Variants in HDAC1 observed in about 807,000 individuals in gnomAD.
The protein encoded by HDAC1 is histone deacetylase 1.
HDAC1 carries 18 observed loss-of-function variants against 65.5 expected under a neutral mutation model. The ratio of observed to expected loss-of-function variants is 0.27; its 90% CI spans 0.19 to 0.41. The LOEUF (loss-of-function observed/expected upper bound fraction) is 0.41. Among genes scored for constraint, HDAC1 ranks in the 10% least tolerant of loss-of-function variants. The pLI, the probability that HDAC1 is intolerant of heterozygous loss-of-function variation, is 1.00. For synonymous variants in HDAC1, 211 were observed against 227.9 expected, an observed-to-expected ratio of 0.93 and a Z score of 0.67; for missense variants, 373 against 625.2, an observed-to-expected ratio of 0.60 and a Z score of 4.30.
At chr1:32,296,251 G>A (rs1014795991) in intron 1 of HDAC1, among the ~76,000 whole-genome samples, 12 of 152,196 alleles carry the variant, frequency 7.9e-5, no homozygotes, top group African/African-American at 2.9e-4. Context: ...AGAAAGTACT[G>A]GGTTGCAGAA....
At chr1:32,302,175 A>C (rs964505774) in intron 1 of HDAC1, among the ~76,000 whole-genome samples, 3 of 152,206 alleles carry the variant, frequency 2.0e-5, no homozygotes, top group Non-Finnish European at 2.9e-5. Context: ...TGTTACTGTG[A>C]GGATCCAGTA....
chr1:32,298,993 T>C (rs1157383066), intron 1 of HDAC1, among the ~76,000 whole-genome samples: 1 of 152,176 alleles, frequency 6.6e-6, no homozygotes, highest in Non-Finnish European at 1.5e-5. Flanking sequence ...AGTGAGACTC[T>C]GTCTCCAAAA....
intron 1 of HDAC1, among the ~76,000 whole-genome samples, chr1:32,298,579 T>G (rs368804560): frequency 1.6e-4 from 24 of 152,336 alleles, no homozygotes; most frequent in East Asian, 5.8e-4. Flanking sequence ...GGGATTCAGA[T>G]TTGGCTCTGC....
chr1:32,332,316 G>C (rs546875343), intron 12 of HDAC1, 74 bp downstream of exon 12: 1 of 1,403,328 alleles, frequency 7.1e-7, no homozygotes, highest in South Asian at 1.3e-5. Flanking sequence ...TGGGAGGAGG[G>C]AGTGACTCAG....
rs1641230548 is a variant in HDAC1 at position 32,327,209 on chromosome 1, T to C, written c.494+132T>C. The C allele has an allele frequency of 1.2e-6, 1 of 855,190 alleles. No homozygotes were observed. The highest frequency in any genetic ancestry group is 1.8e-6 in the Non-Finnish European group (1 of 544,498). The allele number at this position is 855,190 out of a possible 1,614,324, so 53.0% of individuals were successfully genotyped here. ...GGCTAGGATGTGCTCGGTGAGTGTC[T>C]CTGGCCATCATCTCCTTGATGGGGT... On this transcript the variant is annotated intron_variant, in intron 5 of 13. Transcript: ENST00000373548. The surrounding 1 kb of genome is among the most constrained non-coding windows in gnomAD (Gnocchi z 6.0).
At chr1:32,319,943 G>T (rs1164911281) in intron 3 of HDAC1, among the ~76,000 whole-genome samples, 1 of 151,686 alleles carries the variant, frequency 6.6e-6, no homozygotes, top group Admixed American at 6.6e-5. Context: ...ATGGCCAGGC[G>T]TGGTGGCTCA....
rs1327323186 is a variant in HDAC1, at chr1:32,329,642, C to T, written c.729+482C>T. 1 of 171,482 alleles carries T rather than the reference C, an allele frequency of 5.8e-6. No individual in the cohort carries two copies. The highest frequency in any genetic ancestry group is 1.3e-5 in the Non-Finnish European group (1 of 78,788). The allele number at this position is 171,482 out of a possible 1,614,324, so 10.6% of individuals were successfully genotyped here. On this transcript the variant is annotated intron_variant, in intron 7 of 13. Coordinates refer to ENST00000373548, the MANE Select transcript of HDAC1 (RefSeq NM_004964.3). This position sits in a 1 kb window ranked among gnomAD's most constrained non-coding sequence, Gnocchi z 4.1. ...TGGGAAAGCCCTTTGCCAGTCAGCC[C>T]ATCCAGAGATTCTGGAAAGGCTGTG...
At chr1:32,297,770 C>G (rs1157700726) in intron 1 of HDAC1, among the ~76,000 whole-genome samples, 1 of 143,548 alleles carries the variant, frequency 7.0e-6, no homozygotes, top group Non-Finnish European at 1.5e-5. Context: ...GACACTACGC[C>G]TGGCTAATTT....
Position 32,330,558 on chromosome 1 carries a change from AC to A in HDAC1, c.730-18del. 6.4e-7 allele frequency: 1 copy of A among 1,558,124 alleles called. No individual in the cohort carries two copies. The highest frequency in any genetic ancestry group is 1.1e-5 in the South Asian group (1 of 89,838). On this transcript the variant is annotated intron_variant, in intron 7 of 13. Coordinates refer to ENST00000373548, the MANE Select transcript of HDAC1 (RefSeq NM_004964.3). The surrounding 1 kb of genome is among the most constrained non-coding windows in gnomAD (Gnocchi z 4.2). ...TATTGCTTTCTTGAGGTTGGTGGTGACCAGGATGTATCATTTTAGGTCATGT... is the reference window on the plus strand; with the variant it reads ...TATTGCTTTCTTGAGGTTGGTGGTGACAGGATGTATCATTTTAGGTCATGT...
intron 3 of HDAC1, among the ~76,000 whole-genome samples, chr1:32,318,044 C>T (rs530444553): frequency 2.6e-5 from 4 of 152,318 alleles, no homozygotes; most frequent in African/African-American, 9.6e-5. Flanking sequence ...ACCACAACCT[C>T]CGTCTCCCGG....
At position 32,329,004 on chromosome 1, in the gene HDAC1, C is replaced by A; in HGVS notation, c.637-64C>A. The A allele has an allele frequency of 1.0e-6, 1 of 967,532 alleles. No homozygotes were observed. Among genetic ancestry groups the A allele is most frequent in the Non-Finnish European group, 1.7e-6 (1 of 591,002 alleles). The allele number at this position is 967,532 out of a possible 1,614,324, so 59.9% of individuals were successfully genotyped here. A position where few individuals can be genotyped will look rare whatever the true frequency, so the allele number is the denominator to read the frequency against. ...GAACCTCTTCCTTTATCCCTCCAGC[C>A]CCTATCCTTGACCTTCCTTCAAGCT... On this transcript the variant is annotated intron_variant, in intron 6 of 13. Transcript: ENST00000373548. This position sits in a 1 kb window ranked among gnomAD's most constrained non-coding sequence, Gnocchi z 4.1.
chr1:32,308,606 C>T (rs1640944122), intron 2 of HDAC1, among the ~76,000 whole-genome samples: 1 of 152,064 alleles, frequency 6.6e-6, no homozygotes, highest in Non-Finnish European at 1.5e-5. Context: ...GCAAGCTCCA[C>T]CTCTTGGGTT....
rs571764964 is a variant in HDAC1, at chr1:32,327,202, G to C, written c.494+125G>C. The C allele has an allele frequency of 2.2e-6, 2 of 918,128 alleles. No homozygotes were observed. The highest frequency in any genetic ancestry group is 3.3e-5 in the African/African-American group (2 of 61,038). 56.9% of individuals were successfully genotyped at this position (918,128 alleles called of 1,614,324 possible). ...ATGTGCTGGCTAGGATGTGCTCGGT[G>C]AGTGTCTCTGGCCATCATCTCCTTG... On this transcript the variant is annotated intron_variant, in intron 5 of 13. Coordinates refer to ENST00000373548, the MANE Select transcript of HDAC1 (RefSeq NM_004964.3). The surrounding 1 kb of genome is among the most constrained non-coding windows in gnomAD (Gnocchi z 6.0).
At position 32,333,085 on chromosome 1, in the gene HDAC1, G is replaced by C; in HGVS notation, c.*41G>C. 1.3e-6 allele frequency: 2 copies of C among 1,556,126 alleles called. No individual in the cohort carries two copies. Among genetic ancestry groups the C allele is most frequent in the African/African-American group, 1.4e-5 (1 of 73,694 alleles). On this transcript the variant is annotated 3_prime_UTR_variant, in exon 14 of 14. Transcript: ENST00000373548. The stretch of plus-strand genomic sequence containing the variant: ...TCTGGCTTCCTGCTGAGTCCCTCAC[G>C]TTTCTTCCCCAACCCCTCAGATTTT...
At chr1:32,323,840 T>A (rs1339995177) in intron 3 of HDAC1, among the ~76,000 whole-genome samples, 2 of 152,216 alleles carry the variant, frequency 1.3e-5, no homozygotes, top group Non-Finnish European at 2.9e-5. Context: ...GGGTCTCTGT[T>A]CTTGCCCCTT....
Position 32,333,149 on chromosome 1 carries a change from T to C in HDAC1, c.*105T>C. 1.0e-6 allele frequency: 1 copy of C among 973,436 alleles called. No homozygotes were observed. The highest frequency in any genetic ancestry group is 2.7e-5 in the East Asian group (1 of 36,590). The allele number at this position is 973,436 out of a possible 1,614,324, so 60.3% of individuals were successfully genotyped here. A position where few individuals can be genotyped will look rare whatever the true frequency, so the allele number is the denominator to read the frequency against. On this transcript the variant is annotated 3_prime_UTR_variant, in exon 14 of 14. Transcript: ENST00000373548. ...CTCTGTGTATTTATATAAAAATTTA[T>C]TAAATATAAATATCCCCAGGGACAG...
At chr1:32,328,225 G>A (rs1196600481) in intron 6 of HDAC1, among the ~76,000 whole-genome samples, 1 of 152,182 alleles carries the variant, frequency 6.6e-6, no homozygotes, top group Non-Finnish European at 1.5e-5. Flanking sequence ...GGTGAAATCA[G>A]CTGCTTTGCC....
chr1:32,300,389 T>A (rs1388609061), intron 1 of HDAC1, among the ~76,000 whole-genome samples: 6 of 151,884 alleles, frequency 4.0e-5, no homozygotes, highest in Non-Finnish European at 7.4e-5. Context: ...AAACCCCACC[T>A]CTACTAAATA....
rs535069179 is a variant in HDAC1 at position 32,323,297 on chromosome 1, G to A, written c.281-1182G>A. Among the ~76,000 whole-genome samples, 35 of 151,330 alleles carry A rather than the reference G, an allele frequency of 2.3e-4. No homozygotes were observed. In the East Asian group the frequency reaches 3.9e-3, roughly 17 times the overall value. ...GCCTGGGCAACAAGAGCAAAACTCC[G>A]TCTCAAAAAAAAAACAGACAAACCA... On this transcript the variant is annotated intron_variant, in intron 3 of 13. Transcript: ENST00000373548.
Sources: allele counts gnomAD v4.1 joint callset (sites outside exome capture counted in the v4.1 genomes callset), GRCh38; gene constraint gnomAD v4.1.1; non-coding constraint Gnocchi (gnomAD v3.1); transcripts MANE v1.5; gene names NCBI Gene and HGNC (gene_info 2026-07-23, HGNC 2026-07-21).